The following SCHIP1 variants were observed in gnomAD, a reference collection of about 807,000 sequenced individuals.
SCHIP1 encodes schwannomin-interacting protein 1.
A neutral mutation model predicts 29.7 loss-of-function variants in SCHIP1; 8 were observed. That is an observed-to-expected ratio of 0.27 (90% CI 0.16 to 0.49). The LOEUF (loss-of-function observed/expected upper bound fraction) is 0.49, where lower values mean the gene tolerates loss of function less well. Ranked by LOEUF, SCHIP1 falls within the 20% of genes least tolerant of loss-of-function variation. The probability of loss-of-function intolerance (pLI) is 0.99; values close to 1 mark genes in which losing one functional copy is unlikely to be tolerated. For missense variants in SCHIP1, 193 were observed against 294.6 expected, an observed-to-expected ratio of 0.66 and a Z score of 2.52; for synonymous variants, 76 against 94.9, an observed-to-expected ratio of 0.80 and a Z score of 1.16.
chr3:159,377,279 A>C, the SCHIP1 span, among the ~76,000 whole-genome samples: 1 of 152,208 alleles, frequency 6.6e-6, no homozygotes, highest in African/African-American at 2.4e-5. Flanking sequence ...CTGGTCACCA[A>C]GGAGCCCAGT....
chr3:159,508,949 T>G, the SCHIP1 span, among the ~76,000 whole-genome samples: 2 of 152,224 alleles, frequency 1.3e-5, no homozygotes, highest in Non-Finnish European at 2.9e-5. Context: ...ATTCTGTTGA[T>G]TTGGGGTGGA....
At chr3:159,587,261 C>T in the SCHIP1 span, among the ~76,000 whole-genome samples, 2 of 152,032 alleles carry the variant, frequency 1.3e-5, no homozygotes, top group Non-Finnish European at 2.9e-5. Flanking sequence ...AATTATGTAT[C>T]ATCTTGAAAT....
chr3:159,278,945 C>T, the SCHIP1 span, among the ~76,000 whole-genome samples: 2 of 152,036 alleles, frequency 1.3e-5, no homozygotes, highest in African/African-American at 4.8e-5. Context: ...ACACATGGCT[C>T]TCAAGACCAC....
the SCHIP1 span, among the ~76,000 whole-genome samples, chr3:159,537,443 T>C: frequency 3.9e-5 from 6 of 152,228 alleles, no homozygotes; most frequent in Non-Finnish European, 8.8e-5. Context: ...TCATGGATGA[T>C]GAACCTGTTT....
At chr3:159,566,577 A>G in the SCHIP1 span, among the ~76,000 whole-genome samples, 1 of 152,238 alleles carries the variant, frequency 6.6e-6, no homozygotes, top group African/African-American at 2.4e-5. Flanking sequence ...GAAGACCTCA[A>G]TGACAGTTGA....
the SCHIP1 span, among the ~76,000 whole-genome samples, chr3:159,614,282 T>C: frequency 6.6e-6 from 1 of 152,330 alleles, no homozygotes; most frequent in East Asian, 1.9e-4. Context: ...TTCTCTTTAA[T>C]GTGGAAGGCA....
At chr3:159,449,960 G>A in the SCHIP1 span, among the ~76,000 whole-genome samples, 1 of 151,936 alleles carries the variant, frequency 6.6e-6, no homozygotes, top group African/African-American at 2.4e-5. Flanking sequence ...GAGAAGAGAG[G>A]GAAGAGAAGA....
chr3:159,393,865 C>T, the SCHIP1 span, among the ~76,000 whole-genome samples: 2 of 152,212 alleles, frequency 1.3e-5, no homozygotes, highest in East Asian at 3.9e-4. Context: ...TCATTGGTAG[C>T]TTGATGGGGA....
chr3:159,695,370 T>A, the SCHIP1 span, among the ~76,000 whole-genome samples: 6 of 152,286 alleles, frequency 3.9e-5, no homozygotes, highest in East Asian at 1.2e-3. Flanking sequence ...CTTCCTCCTA[T>A]GTCTTCCCTA....
chr3:159,408,005 G>C, the SCHIP1 span, among the ~76,000 whole-genome samples: 1 of 152,088 alleles, frequency 6.6e-6, no homozygotes, highest in African/African-American at 2.4e-5. Context: ...CCCAAAATTA[G>C]TAGAAAAAGA....
chr3:159,563,735 GA>G, the SCHIP1 span, among the ~76,000 whole-genome samples: 42 of 152,040 alleles, frequency 2.8e-4, no homozygotes, highest in Non-Finnish European at 5.3e-4. Flanking sequence ...TAAGGCAACA[GA>G]ATCACTTTAG....
chr3:159,492,311 G>T, the SCHIP1 span, among the ~76,000 whole-genome samples: 661 of 152,264 alleles, frequency 4.3e-3, 7 homozygotes, highest in African/African-American at 0.015. Context: ...CCAAGCTAAA[G>T]GAGGAAGTTC....
chr3:159,571,804 G>T, the SCHIP1 span, among the ~76,000 whole-genome samples: 1 of 152,096 alleles, frequency 6.6e-6, no homozygotes, highest in Non-Finnish European at 1.5e-5. Context: ...CAATTTCAGA[G>T]CCTGTTATTG....
chr3:159,871,364 G>T (rs1715256998), intron 2 of SCHIP1, among the ~76,000 whole-genome samples: 1 of 127,888 alleles, frequency 7.8e-6, no homozygotes, highest in South Asian at 2.9e-4. Context: ...TTTGTTGGGG[G>T]GGGTGGGGGG....
chr3:159,740,771 GAAAAAAAA>G, the SCHIP1 span, among the ~76,000 whole-genome samples: 5 of 104,884 alleles, frequency 4.8e-5, no homozygotes, highest in Admixed American at 1.1e-4. Context: ...CAAAAAAAAA[GAAAAAAAA>G]AAAAAAAAAA....
At chr3:159,646,754 C>T in the SCHIP1 span, among the ~76,000 whole-genome samples, 1 of 152,096 alleles carries the variant, frequency 6.6e-6, no homozygotes, top group Admixed American at 6.6e-5. Context: ...GGCACATAGG[C>T]TCCCAGAAAT....
the SCHIP1 span, among the ~76,000 whole-genome samples, chr3:159,467,807 AGTT>A: frequency 6.6e-6 from 1 of 152,134 alleles, no homozygotes; most frequent in South Asian, 2.1e-4. Flanking sequence ...CATTTTGATG[AGTT>A]ATTATGGAAT....
chr3:159,679,356 G>C, the SCHIP1 span, among the ~76,000 whole-genome samples: 10 of 152,300 alleles, frequency 6.6e-5, no homozygotes, highest in Non-Finnish European at 1.3e-4. Context: ...GGAGATCACA[G>C]ATCTGAAGTT....
At chr3:159,626,705 C>T in the SCHIP1 span, among the ~76,000 whole-genome samples, 1 of 152,082 alleles carries the variant, frequency 6.6e-6, no homozygotes, top group Non-Finnish European at 1.5e-5. Flanking sequence ...TGAGAAGTAT[C>T]CTTCTCATGT....
Sources: gnomAD v4.1 joint callset for allele counts (sites outside exome capture counted in the v4.1 genomes callset) on GRCh38, gnomAD v4.1.1 for gene constraint, MANE v1.5 for transcripts, NCBI Gene and HGNC (gene_info 2026-07-23, HGNC 2026-07-21) for gene names.